The following ATP2B2 variants were observed in gnomAD, a reference collection of about 807,000 sequenced individuals.
ATP2B2 encodes the protein ATPase plasma membrane Ca2+ transporting 2.
Under a neutral mutation model 120.0 loss-of-function variants are expected in ATP2B2, and 15 were observed. The observed-to-expected ratio is 0.12, with a 90% CI of 0.08 to 0.19. The LOEUF (loss-of-function observed/expected upper bound fraction) is 0.19. Among genes scored for constraint, ATP2B2 ranks in the 10% least tolerant of loss-of-function variants. The pLI, the probability that ATP2B2 is intolerant of heterozygous loss-of-function variation, is 1.00. For missense variants in ATP2B2, 1,045 were observed against 1,719.8 expected, an observed-to-expected ratio of 0.61 and a Z score of 6.94; for synonymous variants, 694 against 700.3, an observed-to-expected ratio of 0.99 and a Z score of 0.14.
chr3:10,384,210 G>A (rs1381880622), intron 8 of ATP2B2, among the ~76,000 whole-genome samples: 1 of 152,186 alleles, frequency 6.6e-6, no homozygotes, highest in Non-Finnish European at 1.5e-5. Context: ...CAGGGGATGG[G>A]AGGCTGCGGG....
At chr3:10,386,277 G>A (rs777371934) in intron 7 of ATP2B2, among the ~76,000 whole-genome samples, 1 of 152,138 alleles carries the variant, frequency 6.6e-6, no homozygotes. Context: ...GGCACTGTAA[G>A]GGCAAGAGGG....
At chr3:10,576,286 G>A (rs1231396825) in intron 2 of ATP2B2, among the ~76,000 whole-genome samples, 2 of 152,174 alleles carry the variant, frequency 1.3e-5, no homozygotes, top group Admixed American at 1.3e-4. Flanking sequence ...CTTCTCCTGC[G>A]GCCTCACTCC....
At chr3:10,667,625 G>C (rs557957986) in intron 1 of ATP2B2, among the ~76,000 whole-genome samples, 69 of 152,280 alleles carry the variant, frequency 4.5e-4, no homozygotes, top group African/African-American at 1.5e-3. Context: ...AAAAGCCCGA[G>C]GGCTCAGCAG....
intron 6 of ATP2B2, 48 bp downstream of exon 6, chr3:10,388,229 T>A (rs761892022): frequency 5.0e-6 from 8 of 1,611,326 alleles, no homozygotes; most frequent in South Asian, 4.4e-5. Flanking sequence ...AAAAAAAAAA[T>A]GTGGCCTTAA....
chr3:10,604,968 A>G (rs1413182121), intron 2 of ATP2B2, among the ~76,000 whole-genome samples: 1 of 152,170 alleles, frequency 6.6e-6, no homozygotes, highest in Non-Finnish European at 1.5e-5. Flanking sequence ...CTCCTCCTGG[A>G]ATGCCCTTTT....
chr3:10,332,201 CT>C (rs1277420737), intron 22 of ATP2B2: 19 of 670,482 alleles, frequency 2.8e-5, no homozygotes, highest in Non-Finnish European at 4.4e-5. Flanking sequence ...ATTTCTCCCC[CT>C]AACAGTGCAA....
intron 2 of ATP2B2, among the ~76,000 whole-genome samples, chr3:10,597,154 T>G (rs1339239424): frequency 8.9e-6 from 1 of 112,464 alleles, no homozygotes; most frequent in Non-Finnish European, 1.8e-5. Context: ...CACAGGCACA[T>G]ACACACAGGC....
At chr3:10,656,258 C>T (rs1452493763) in intron 1 of ATP2B2, among the ~76,000 whole-genome samples, 1 of 152,162 alleles carries the variant, frequency 6.6e-6, no homozygotes, top group Non-Finnish European at 1.5e-5. Context: ...AGCCCCACTT[C>T]ATCGCATCAT....
At chr3:10,394,481 G>A (rs1405025472) in intron 5 of ATP2B2, 2 of 471,028 alleles carry the variant, frequency 4.2e-6, no homozygotes, top group African/African-American at 4.0e-5. Flanking sequence ...GGTGGAGCCG[G>A]GACTTGAACC....
intron 1 of ATP2B2, among the ~76,000 whole-genome samples, chr3:10,675,366 T>A (rs2071214844): frequency 6.6e-6 from 1 of 152,244 alleles, no homozygotes; most frequent in Admixed American, 6.5e-5. Context: ...GGGTTTGCCT[T>A]CTTTCATTCA....
intron 2 of ATP2B2, among the ~76,000 whole-genome samples, chr3:10,587,206 G>C (rs1029965127): frequency 6.6e-6 from 1 of 152,180 alleles, no homozygotes; most frequent in South Asian, 2.1e-4. Context: ...TAAGGAGCCT[G>C]AGGTGGGAGA....
intron 5 of ATP2B2, among the ~76,000 whole-genome samples, chr3:10,400,679 C>T (rs2062188027): frequency 6.6e-6 from 1 of 152,298 alleles, no homozygotes; most frequent in South Asian, 2.1e-4. Context: ...TTTTAGTAAA[C>T]CAAGTCACTA....
intron 1 of ATP2B2, among the ~76,000 whole-genome samples, chr3:10,685,404 AG>A (rs1575622368): frequency 6.6e-6 from 1 of 152,188 alleles, no homozygotes; most frequent in African/African-American, 2.4e-5. Context: ...TTGGAAGGCA[AG>A]TACTGCTGGG....
chr3:10,423,698 T>G (rs1374473344), intron 2 of ATP2B2, among the ~76,000 whole-genome samples: 4 of 152,210 alleles, frequency 2.6e-5, no homozygotes, highest in African/African-American at 7.2e-5. Flanking sequence ...GGGGACGCTT[T>G]GCAGAGCTGC....
chr3:10,529,252 C>T (rs148409357), intron 3 of ATP2B2, among the ~76,000 whole-genome samples: 89 of 152,366 alleles, frequency 5.8e-4, no homozygotes, highest in African/African-American at 2.0e-3. Context: ...ACCTCTTTCT[C>T]TCACGCTTTG....
chr3:10,516,131 A>T (rs1285474587), intron 3 of ATP2B2, among the ~76,000 whole-genome samples: 3 of 152,240 alleles, frequency 2.0e-5, no homozygotes, highest in African/African-American at 7.2e-5. Flanking sequence ...TTACCAGCAC[A>T]CCACAGAACC....
chr3:10,349,650 C>T (rs545726651), intron 16 of ATP2B2, among the ~76,000 whole-genome samples: 2 of 151,896 alleles, frequency 1.3e-5, no homozygotes, highest in Non-Finnish European at 2.9e-5. Context: ...AGGGACCAGA[C>T]AGACCAAGAG....
intron 5 of ATP2B2, among the ~76,000 whole-genome samples, chr3:10,399,374 C>T (rs1304472718): frequency 6.6e-6 from 1 of 152,238 alleles, no homozygotes; most frequent in Non-Finnish European, 1.5e-5. Context: ...TTTCTTCTCA[C>T]TGTTCTGATT....
chr3:10,683,748 A>ATGTGTGTGTGTG lies in ATP2B2; in HGVS notation c.-460+24155_-460+24166dup, dbSNP rs372159079. 1.0e-3 allele frequency among the ~76,000 whole-genome samples: 60 copies of ATGTGTGTGTGTG among 57,336 alleles called. 2 individuals are homozygous for ATGTGTGTGTGTG. The East Asian group carries it at 0.013, about 13-fold the overall frequency. The allele number at this position is 57,336 out of a possible 152,430, so 37.6% of individuals were successfully genotyped here. A position where few individuals can be genotyped will look rare whatever the true frequency, so the allele number is the denominator to read the frequency against. ...TGTGTGTATATATATGTGTATATAT[A>ATGTGTGTGTGTG]TGTGTGTGTGTGTATATATATATAT... On this transcript the variant is annotated intron_variant, in intron 1 of 21. Transcript: ENST00000646379.
Sources: gnomAD v4.1 joint callset for allele counts (sites outside exome capture counted in the v4.1 genomes callset) on GRCh38, gnomAD v4.1.1 for gene constraint, MANE v1.5 for transcripts, NCBI Gene and HGNC (gene_info 2026-07-23, HGNC 2026-07-21) for gene names.